Variants in SPTBN4 observed in about 807,000 individuals in gnomAD.
The protein encoded by SPTBN4 is spectrin beta chain, non-erythrocytic 4.
In SPTBN4, 96 loss-of-function variants were observed where a neutral mutation model predicts 277.8. The observed-to-expected ratio is 0.35, with a 90% CI of 0.29 to 0.41. The LOEUF is 0.41. SPTBN4 is among the 10% of genes least tolerant of loss of function. SPTBN4 has a pLI of 1.00. For missense variants in SPTBN4, 3,006 were observed against 3,595.7 expected, an observed-to-expected ratio of 0.84 and a Z score of 4.19; for synonymous variants, 1,481 against 1,580.3, an observed-to-expected ratio of 0.94 and a Z score of 1.49.
Position 40,512,807 on chromosome 19 carries a change from G to T in SPTBN4, c.2018G>T (p.Gly673Val). The T allele has an allele frequency of 6.9e-7, 1 of 1,455,020 alleles. No homozygotes were observed. Among genetic ancestry groups the T allele is most frequent in the Non-Finnish European group, 9.0e-7 (1 of 1,115,712 alleles). 90.1% of individuals were successfully genotyped at this position (1,455,020 alleles called of 1,614,324 possible). The change falls in exon 14 of 36, where the codon GGC becomes GTC. Residue 673 changes from glycine to valine, a missense_variant. Gly to Val is a moderately radical substitution (Grantham distance 109). Transcript: ENST00000598249. ...KERLLEAAGG[G>V]GAAGAAGAAG... ...CGTCTCCTGGAGGCTGCGGGCGGCG[G>T]CGGTGCGGCGGGCGCAGCGGGCGCA...
At chr19:40,500,836 G>C (rs906182688) in intron 7 of SPTBN4, among the ~76,000 whole-genome samples, 4 of 150,392 alleles carry the variant, frequency 2.7e-5, no homozygotes, top group Admixed American at 6.7e-5. Flanking sequence ...AATAGCTTGA[G>C]ACTGTCTCAA....
intron 16 of SPTBN4, among the ~76,000 whole-genome samples, chr19:40,520,754 G>A (rs2080517461): frequency 1.3e-5 from 2 of 152,210 alleles, no homozygotes; most frequent in African/African-American, 2.4e-5. Context: ...AGCCAATCCA[G>A]TTGGGAGATC....
intron 18 of SPTBN4, among the ~76,000 whole-genome samples, chr19:40,529,473 T>G (rs1039624599): frequency 6.6e-6 from 1 of 151,298 alleles, no homozygotes; most frequent in Non-Finnish European, 1.5e-5. Context: ...GGGCGGGCGG[T>G]GGGGATAAGG....
chr19:40,543,013 C>G (rs543825233), intron 20 of SPTBN4, among the ~76,000 whole-genome samples: 1 of 152,178 alleles, frequency 6.6e-6, no homozygotes, highest in East Asian at 1.9e-4. Flanking sequence ...TTCTGAGCAC[C>G]GCTTTCTTCT....
chr19:40,541,995 C>T lies in SPTBN4; in HGVS notation c.4360-7194C>T, dbSNP rs952389167. ...GGAGTGCAATGGCACAGTCTCAGCT[C>T]GCTGCAACCTCCGCCTCCCGGATTC... On this transcript the variant is annotated intron_variant, in intron 20 of 35. Transcript: ENST00000598249. Among the ~76,000 whole-genome samples the T allele has an allele frequency of 2.4e-3, 364 of 152,322 alleles. 2 individuals carry two copies. Among genetic ancestry groups the T allele is most frequent in the African/African-American group, 8.5e-3 (354 of 41,556 alleles).
Position 40,515,283 on chromosome 19 carries a change from G to A in SPTBN4, c.2766-28G>A, listed in dbSNP as rs2080440881. 3.1e-6 allele frequency: 5 copies of A among 1,610,128 alleles called. No homozygotes were observed. The East Asian group carries it at 1.1e-4, about 36-fold the overall frequency. On this transcript the variant is annotated intron_variant, in intron 14 of 35. Transcript: ENST00000598249. The surrounding 1 kb of genome is among the most constrained non-coding windows in gnomAD (Gnocchi z 4.1). ...TAAAACCAAGGTCCGCAGGGTTCGG[G>A]TGTCTGAGCATCTCCATCCTCCTGC...
At chr19:40,517,246 G>A (rs773316054) in intron 15 of SPTBN4, among the ~76,000 whole-genome samples, 3 of 151,926 alleles carry the variant, frequency 2.0e-5, no homozygotes, top group Admixed American at 6.6e-5. Context: ...GGATCAAACC[G>A]GGCTTTGAAG....
chr19:40,481,176 G>A (rs1225936006), intron 2 of SPTBN4, among the ~76,000 whole-genome samples: 1 of 152,156 alleles, frequency 6.6e-6, no homozygotes, highest in Non-Finnish European at 1.5e-5. Flanking sequence ...GAGTGAAGCT[G>A]TCCAATCATA....
At chr19:40,552,086 G>C (rs1428673116) in intron 22 of SPTBN4, among the ~76,000 whole-genome samples, 2 of 152,092 alleles carry the variant, frequency 1.3e-5, no homozygotes, top group Non-Finnish European at 2.9e-5. Flanking sequence ...GGGAGGCTGA[G>C]GTGGGTGGAT....
At chr19:40,572,245 C>T in intron 34 of SPTBN4, 53 bp downstream of exon 34, 1 of 1,601,188 alleles carries the variant, frequency 6.2e-7, no homozygotes, top group East Asian at 2.2e-5. Context: ...CTTCAACTCC[C>T]AGTGGGACCC....
chr19:40,505,984 C>G (rs191009717), intron 12 of SPTBN4, among the ~76,000 whole-genome samples: 1 of 152,140 alleles, frequency 6.6e-6, no homozygotes, highest in East Asian at 1.9e-4. Context: ...GAGAGGGAGA[C>G]AGAGACAGAA....
At chr19:40,550,164 G>A in intron 21 of SPTBN4, 74 bp from the exon 22 acceptor site, 1 of 1,301,478 alleles carries the variant, frequency 7.7e-7, no homozygotes, top group South Asian at 1.2e-5. Context: ...TGCCGTGCAG[G>A]TTTAAAGTTT....
chr19:40,512,547 T>C (rs1423633394), intron 13 of SPTBN4, 59 bp from the exon 14 acceptor site: 2 of 1,450,380 alleles, frequency 1.4e-6, no homozygotes, highest in African/African-American at 3.0e-5. Flanking sequence ...CGCACCATCC[T>C]CTCTTGGGCG....
At chr19:40,480,491 C>G (rs146854309) in intron 2 of SPTBN4, among the ~76,000 whole-genome samples, 68 of 152,296 alleles carry the variant, frequency 4.5e-4, no homozygotes, top group African/African-American at 1.6e-3. Context: ...CCTATCACTA[C>G]AGTCCAAGGG....
chr19:40,554,971 G>T lies in SPTBN4; in HGVS notation c.5084+325G>T. ...AGGGGCTCTTTCTACTCAGTGTCTG[G>T]GAGGACAGAAAAGCCTGTGCTGAGA... On this transcript the variant is annotated intron_variant, in intron 24 of 35. Transcript: ENST00000598249. This position sits in a 1 kb window ranked among gnomAD's most constrained non-coding sequence, Gnocchi z 5.7. 1 of 287,044 alleles carries T rather than the reference G, an allele frequency of 3.5e-6. No individual in the cohort carries two copies. The highest frequency in any genetic ancestry group is 6.7e-6 in the Non-Finnish European group (1 of 148,828). 17.8% of individuals were successfully genotyped at this position (287,044 alleles called of 1,614,324 possible).
rs745817076 is a variant in SPTBN4 at position 40,515,420 on chromosome 19, C to T, written c.2875C>T (p.Arg959Cys). 95 of 1,575,840 alleles carry T rather than the reference C, an allele frequency of 6.0e-5. No homozygotes were observed. In the South Asian group the frequency reaches 9.7e-4, roughly 16 times the overall value. Residue 959 changes from arginine to cysteine, a missense_variant, in exon 15 of 36, where the codon CGT (arginine) becomes TGT (cysteine). Coordinates refer to ENST00000598249, the MANE Select transcript of SPTBN4 (RefSeq NM_020971.3). This position sits in a 1 kb window ranked among gnomAD's most constrained non-coding sequence, Gnocchi z 4.1. ...EGGHPSSDEV[R>C]SCQDHLNSRW... ...AGGCCACCCCAGTTCAGATGAGGTG[C>T]GTTCCTGCCAGGACCACCTCAACAG... is the stretch of plus-strand genomic sequence containing the variant.
At chr19:40,472,942 C>A (rs2145798631) in intron 2 of SPTBN4, 152 bp downstream of exon 2, 1 of 756,518 alleles carries the variant, frequency 1.3e-6, no homozygotes, top group South Asian at 3.1e-5. Flanking sequence ...CATAATGTAC[C>A]ATATAATAAT....
At chr19:40,566,482 CAG>C (rs2081093746) in intron 30 of SPTBN4, 123 bp downstream of exon 30, 7 of 891,928 alleles carry the variant, frequency 7.8e-6, no homozygotes, top group Non-Finnish European at 1.1e-5. Flanking sequence ...AGTGCCAAGA[CAG>C]ACTCTTGCTA....
intron 2 of SPTBN4, among the ~76,000 whole-genome samples, chr19:40,480,309 A>G (rs1026954982): frequency 6.6e-6 from 1 of 151,624 alleles, no homozygotes; most frequent in Non-Finnish European, 1.5e-5. Flanking sequence ...AGTCCTAGCT[A>G]CTCAAAAGAC....
Sources: gnomAD v4.1 joint callset for allele counts (sites outside exome capture counted in the v4.1 genomes callset) on GRCh38, gnomAD v4.1.1 for gene constraint, Gnocchi (gnomAD v3.1) non-coding constraint, MANE v1.5 for transcripts, NCBI Gene and HGNC (gene_info 2026-07-23, HGNC 2026-07-21) for gene names.